Variants in ANO2 observed in about 807,000 individuals in gnomAD.
The protein encoded by ANO2 is anoctamin 2, also known as anoctamin-2.
ANO2 carries 101 observed loss-of-function variants against 124.2 expected under a neutral mutation model. That is an observed-to-expected ratio of 0.81 (90% CI 0.69 to 0.96). The LOEUF (loss-of-function observed/expected upper bound fraction) is 0.96. ANO2 is among the 40% of genes least tolerant of loss of function. The probability of loss-of-function intolerance (pLI) is 0.00; values close to 1 mark genes in which losing one functional copy is unlikely to be tolerated. For missense variants in ANO2, 1,293 were observed against 1,274.5 expected, an observed-to-expected ratio of 1.01 and a Z score of -0.22; for synonymous variants, 486 against 482.5, an observed-to-expected ratio of 1.01 and a Z score of -0.09.
chr12:5,733,037 C>T, intron 13 of ANO2: 4 of 769,924 alleles, frequency 5.2e-6, no homozygotes, highest in Middle Eastern at 3.4e-4. Context: ...TAACTTTCAA[C>T]AAGCCAACTC....
chr12:5,806,350 C>T (rs1019229362), intron 8 of ANO2, among the ~76,000 whole-genome samples: 6 of 152,314 alleles, frequency 3.9e-5, no homozygotes, highest in African/African-American at 4.8e-5. Flanking sequence ...TGTGCCCCCT[C>T]GTAGCAATGC....
chr12:5,923,098 A>ACG (rs1941829987), intron 1 of ANO2, among the ~76,000 whole-genome samples: 1 of 66,738 alleles, frequency 1.5e-5, no homozygotes, highest in Non-Finnish European at 3.9e-5. Flanking sequence ...ACACACGCAC[A>ACG]CACATACACA....
chr12:5,839,695 T>C, intron 4 of ANO2: 1 of 453,106 alleles, frequency 2.2e-6, no homozygotes, highest in Non-Finnish European at 4.4e-6. Flanking sequence ...ATGGAATGTT[T>C]TGCAGTGTAC....
At chr12:5,734,651 CTTT>C (rs1174928022) in intron 13 of ANO2, among the ~76,000 whole-genome samples, 1 of 147,326 alleles carries the variant, frequency 6.8e-6, no homozygotes, top group Non-Finnish European at 1.5e-5. Context: ...TTTTTTCTTT[CTTT>C]TTTTTTTTTT....
At chr12:5,705,031 C>T (rs1433953965) in intron 14 of ANO2, among the ~76,000 whole-genome samples, 6 of 152,022 alleles carry the variant, frequency 3.9e-5, no homozygotes, top group African/African-American at 1.5e-4. Flanking sequence ...TATGGTTTAT[C>T]TATATAGTTG....
intron 3 of ANO2, among the ~76,000 whole-genome samples, chr12:5,899,106 G>A (rs566959258): frequency 2.1e-4 from 32 of 152,220 alleles, no homozygotes; most frequent in African/African-American, 6.7e-4. Context: ...TCCGGAGTCC[G>A]CCAACACCTT....
At chr12:5,840,797 T>C (rs1017402657) in intron 4 of ANO2, among the ~76,000 whole-genome samples, 1 of 152,186 alleles carries the variant, frequency 6.6e-6, no homozygotes, top group East Asian at 1.9e-4. Flanking sequence ...CCGCCTCTTT[T>C]TATTTATTGA....
chr12:5,923,100 ACATACACACACATGCACGCACACACACC>A (rs1565783580), intron 1 of ANO2, among the ~76,000 whole-genome samples: 11 of 40,210 alleles, frequency 2.7e-4, no homozygotes, highest in African/African-American at 4.5e-4. Flanking sequence ...ACACGCACAC[ACATACACACACATGCACGCACACACACC>A]CACATACACA....
chr12:5,578,148 G>A lies in ANO2; in HGVS notation c.2387-141C>T, dbSNP rs909609884. 25 of 1,254,168 alleles carry A rather than the reference G, an allele frequency of 2.0e-5. 1 individual carries two copies. The African/African-American group carries it at 2.1e-4, about 11-fold the overall frequency. The allele number at this position is 1,254,168 out of a possible 1,614,324, so 77.7% of individuals were successfully genotyped here. ...CCCCAGAATGGGCTTGTCTGGAAAG[G>A]CTTAGGTAGCCCCCCCATCTGGAAG... On this transcript the variant is annotated intron_variant, in intron 21 of 24. Transcript: ENST00000682330.
intron 22 of ANO2, among the ~76,000 whole-genome samples, chr12:5,577,520 G>C (rs547039314): frequency 1.3e-5 from 2 of 152,348 alleles, no homozygotes; most frequent in South Asian, 4.1e-4. Flanking sequence ...CAGAGTCCAC[G>C]GGGATAATTA....
intron 16 of ANO2, among the ~76,000 whole-genome samples, chr12:5,634,787 T>C (rs1487903593): frequency 6.6e-6 from 1 of 152,154 alleles, no homozygotes; most frequent in Non-Finnish European, 1.5e-5. Context: ...GCTGGGAAAA[T>C]GAGAGCTAAA....
chr12:5,611,381 G>T (rs1175724786), intron 19 of ANO2, among the ~76,000 whole-genome samples: 1 of 148,450 alleles, frequency 6.7e-6, no homozygotes, highest in Admixed American at 6.7e-5. Flanking sequence ...AGTCTATTTT[G>T]TCTCCCAGAC....
At chr12:5,752,456 T>C (rs1480260235) in intron 10 of ANO2, among the ~76,000 whole-genome samples, 1 of 152,182 alleles carries the variant, frequency 6.6e-6, no homozygotes, top group African/African-American at 2.4e-5. Context: ...CCCTGATGAA[T>C]TGTGACATTA....
intron 3 of ANO2, among the ~76,000 whole-genome samples, chr12:5,870,032 G>A (rs1361632742): frequency 6.6e-6 from 1 of 152,170 alleles, no homozygotes; most frequent in East Asian, 1.9e-4. Context: ...CTAAACGTGT[G>A]TGTCTCAGGA....
chr12:5,743,276 G>A (rs1218510511), intron 12 of ANO2, among the ~76,000 whole-genome samples: 3 of 152,132 alleles, frequency 2.0e-5, no homozygotes, highest in African/African-American at 7.2e-5. Flanking sequence ...CAGGACTGTG[G>A]TCCTGCTGGT....
rs919218922 is a variant in ANO2, at chr12:5,908,044, C to T, written c.534+12996G>A. The stretch of plus-strand genomic sequence containing the variant: ...CAGTACATAGCAACACACACAAACT[C>T]GTAACCACGCACGGGCAGCGTGTGC... On this transcript the variant is annotated intron_variant, in intron 3 of 24. Transcript: ENST00000682330. This position sits in a 1 kb window ranked among gnomAD's most constrained non-coding sequence, Gnocchi z 4.7. Among the ~76,000 whole-genome samples the T allele has an allele frequency of 1.3e-5, 2 of 152,266 alleles. No individual in the cohort carries two copies. The highest frequency in any genetic ancestry group is 4.8e-5 in the African/African-American group (2 of 41,474).
intron 3 of ANO2, among the ~76,000 whole-genome samples, chr12:5,907,650 A>T (rs529238290): frequency 1.3e-5 from 2 of 152,144 alleles, no homozygotes; most frequent in East Asian, 3.9e-4. Flanking sequence ...AAAAAAGGAA[A>T]ATTGAAGCAC....
At chr12:5,655,695 A>G (rs1947120445) in intron 14 of ANO2, among the ~76,000 whole-genome samples, 1 of 152,194 alleles carries the variant, frequency 6.6e-6, no homozygotes, top group African/African-American at 2.4e-5. Context: ...AGGTGTGATT[A>G]TTATTCCCAT....
intron 19 of ANO2, among the ~76,000 whole-genome samples, chr12:5,608,383 A>C (rs190095037): frequency 2.6e-5 from 4 of 151,690 alleles, no homozygotes; most frequent in Non-Finnish European, 5.9e-5. Flanking sequence ...TGGCAAAAGA[A>C]TTTTTGTTCT....
Sources: gnomAD v4.1 joint callset for allele counts (sites outside exome capture counted in the v4.1 genomes callset) on GRCh38, gnomAD v4.1.1 for gene constraint, Gnocchi (gnomAD v3.1) non-coding constraint, MANE v1.5 for transcripts, NCBI Gene and HGNC (gene_info 2026-07-23, HGNC 2026-07-21) for gene names.